Variants in PTPRD observed in about 807,000 individuals in gnomAD.
PTPRD encodes protein tyrosine phosphatase receptor type D.
Under a neutral mutation model 214.5 loss-of-function variants are expected in PTPRD, and 34 were observed. The ratio of observed to expected loss-of-function variants is 0.16; its 90% CI spans 0.12 to 0.21. The LOEUF (loss-of-function observed/expected upper bound fraction) is 0.21. PTPRD is among the 10% of genes least tolerant of loss of function. The pLI is 1.00. For missense variants in PTPRD, 2,545 were observed against 2,398.7 expected, an observed-to-expected ratio of 1.06 and a Z score of -1.27; for synonymous variants, 1,128 against 845.7, an observed-to-expected ratio of 1.33 and a Z score of -5.79.
intron 14 of PTPRD, among the ~76,000 whole-genome samples, chr9:8,604,474 T>C (rs1008210017): frequency 6.6e-6 from 1 of 152,154 alleles, no homozygotes; most frequent in African/African-American, 2.4e-5. Flanking sequence ...GAGCATGAAG[T>C]ACATTACATC....
chr9:10,383,476 G>C (rs1323484), intron 2 of PTPRD, among the ~76,000 whole-genome samples: 127,698 of 151,814 alleles, frequency 0.84, 53,816 homozygotes, highest in East Asian at 0.9. Flanking sequence ...AACTAATGTG[G>C]TTGATAAGGC....
chr9:9,531,027 C>T (rs1270649592), intron 8 of PTPRD, among the ~76,000 whole-genome samples: 2 of 152,052 alleles, frequency 1.3e-5, no homozygotes, highest in African/African-American at 2.4e-5. Flanking sequence ...TTCAAAATAA[C>T]TAGAATTTGA....
chr9:10,533,654 T>C (rs891990322), intron 2 of PTPRD, among the ~76,000 whole-genome samples: 4 of 151,972 alleles, frequency 2.6e-5, no homozygotes, highest in African/African-American at 4.8e-5. Context: ...TATAACAAAA[T>C]GATACAAACT....
intron 7 of PTPRD, among the ~76,000 whole-genome samples, chr9:9,688,756 C>T (rs1262770034): frequency 1.3e-5 from 2 of 151,788 alleles, no homozygotes; most frequent in African/African-American, 4.8e-5. Context: ...ATAGACTACT[C>T]TACCAGTAAT....
In PTPRD at chr9:8,721,211, C is replaced by G. The variant is rs113636629; in HGVS notation, c.64+12569G>C. On this transcript the variant is annotated intron_variant, in intron 12 of 45. Coordinates refer to ENST00000381196, the MANE Select transcript of PTPRD (RefSeq NM_002839.4). ...TGGGAAGCCGAGGCAGGGGGATCAT[C>G]TGAGGTCAGGAGTTCGAGACTAGCC... Among the ~76,000 whole-genome samples the G allele has an allele frequency of 3.8e-3, 573 of 152,022 alleles. 3 individuals are homozygous for G. Among genetic ancestry groups the G allele is most frequent in the African/African-American group, 0.013 (556 of 41,488 alleles).
intron 12 of PTPRD, among the ~76,000 whole-genome samples, chr9:8,643,073 A>G (rs1399343020): frequency 1.3e-5 from 2 of 151,916 alleles, no homozygotes; most frequent in African/African-American, 4.9e-5. Context: ...TGGTCAGGAT[A>G]GATCTTCAAA....
At chr9:9,637,842 G>C (rs947563049) in intron 7 of PTPRD, among the ~76,000 whole-genome samples, 3 of 152,134 alleles carry the variant, frequency 2.0e-5, no homozygotes, top group African/African-American at 4.8e-5. Flanking sequence ...AGTAGGTCTC[G>C]ACCTGGCACT....
chr9:9,113,598 C>T (rs1431273867), intron 10 of PTPRD, among the ~76,000 whole-genome samples: 2 of 152,048 alleles, frequency 1.3e-5, no homozygotes, highest in African/African-American at 4.8e-5. Context: ...ACTCCAGTCC[C>T]AGATTTGTGT....
At chr9:9,142,779 C>A (rs1453737749) in intron 10 of PTPRD, among the ~76,000 whole-genome samples, 1 of 152,160 alleles carries the variant, frequency 6.6e-6, no homozygotes, top group Non-Finnish European at 1.5e-5. Flanking sequence ...TTTTCACATA[C>A]CCCATCTGTC....
intron 2 of PTPRD, among the ~76,000 whole-genome samples, chr9:10,428,286 G>A (rs566301287): frequency 1.3e-5 from 2 of 152,124 alleles, no homozygotes; most frequent in East Asian, 3.9e-4. Flanking sequence ...GCCACTGCAC[G>A]ACAGAGCAAG....
At chr9:8,466,225 C>T (rs1247369395) in intron 31 of PTPRD, among the ~76,000 whole-genome samples, 1 of 151,852 alleles carries the variant, frequency 6.6e-6, no homozygotes, top group Non-Finnish European at 1.5e-5. Flanking sequence ...ATTAAATAGA[C>T]ATTGTTACTC....
chr9:9,820,844 G>GTC (rs2050455904), intron 5 of PTPRD, among the ~76,000 whole-genome samples: 1 of 152,030 alleles, frequency 6.6e-6, no homozygotes, highest in Non-Finnish European at 1.5e-5. Flanking sequence ...TGATTTATGT[G>GTC]TCTGTTTTTG....
chr9:9,809,324 G>C (rs1354919506), intron 5 of PTPRD, among the ~76,000 whole-genome samples: 1 of 144,616 alleles, frequency 6.9e-6, no homozygotes, highest in African/African-American at 2.6e-5. Flanking sequence ...CTGGAGTGCA[G>C]TGGCCTGATC....
chr9:8,818,307 T>G (rs748381970), intron 11 of PTPRD, among the ~76,000 whole-genome samples: 1 of 152,216 alleles, frequency 6.6e-6, no homozygotes. Context: ...CTCACCTTAT[T>G]TGATTCTCTC....
chr9:9,275,833 ATGTG>A (rs71500979), intron 9 of PTPRD, among the ~76,000 whole-genome samples: 128 of 143,254 alleles, frequency 8.9e-4, no homozygotes, highest in African/African-American at 1.6e-3. Context: ...GTGTGTGTGT[ATGTG>A]TGTGTGTGTG....
intron 18 of PTPRD, among the ~76,000 whole-genome samples, chr9:8,524,344 G>A (rs2097957711): frequency 2.0e-5 from 3 of 152,110 alleles, no homozygotes; most frequent in Admixed American, 6.6e-5. Flanking sequence ...GTACATATGT[G>A]CACATATATG....
chr9:8,325,813 A>G (rs1833092565), intron 44 of PTPRD, among the ~76,000 whole-genome samples: 1 of 151,322 alleles, frequency 6.6e-6, no homozygotes, highest in African/African-American at 2.4e-5. Context: ...GTTAAGTTGG[A>G]CTCCTAGGTA....
At chr9:9,595,308 ATAT>A (rs1563936513) in intron 7 of PTPRD, among the ~76,000 whole-genome samples, 49 of 68,486 alleles carry the variant, frequency 7.2e-4, no homozygotes, top group African/African-American at 1.1e-3. Flanking sequence ...ATATATATAT[ATAT>A]TATATATATT....
chr9:9,047,349 A>G (rs958060960), intron 10 of PTPRD, among the ~76,000 whole-genome samples: 2 of 152,138 alleles, frequency 1.3e-5, no homozygotes, highest in African/African-American at 2.4e-5. Flanking sequence ...TATAGATTCA[A>G]TGCAATCTCT....
Sources: allele counts gnomAD v4.1 joint callset (sites outside exome capture counted in the v4.1 genomes callset), GRCh38; gene constraint gnomAD v4.1.1; transcripts MANE v1.5; gene names NCBI Gene and HGNC (gene_info 2026-07-23, HGNC 2026-07-21).